The following SYCP1 variants were observed in gnomAD, a reference collection of about 807,000 sequenced individuals.
SYCP1 encodes cancer/testis antigen 8.
SYCP1 carries 64 observed loss-of-function variants against 153.1 expected under a neutral mutation model. The observed-to-expected ratio is 0.42, with a 90% CI of 0.34 to 0.51. The LOEUF (loss-of-function observed/expected upper bound fraction) is 0.51. Among genes scored for constraint, SYCP1 ranks in the 20% least tolerant of loss-of-function variants. SYCP1 has a pLI of 0.06. For missense variants in SYCP1, 997 were observed against 1,049.0 expected (o/e 0.95, Z 0.68); for synonymous variants, 384 against 341.8 (o/e 1.12, Z -1.36).
At chr1:114,961,582 T>C (rs925965108) in intron 27 of SYCP1, among the ~76,000 whole-genome samples, 1 of 152,246 alleles carries the variant, frequency 6.6e-6, no homozygotes, top group African/African-American at 2.4e-5. Flanking sequence ...ATTTCCATCT[T>C]GATTTCACTG....
In SYCP1 at chr1:114,873,295, T is replaced by C. The variant is rs578198068; in HGVS notation, c.599-1211T>C. On this transcript the variant is annotated intron_variant, in intron 8 of 31. Transcript: ENST00000369522. ...CTGGTAAAGTATAGGGGGAGGAGTA[T>C]TCTATAGACCTATGGTTAGGTCTCA... Among the ~76,000 whole-genome samples, 303 of 152,302 alleles carry C rather than the reference T, an allele frequency of 2.0e-3. 1 individual carries two copies. Among genetic ancestry groups the C allele is most frequent in the Non-Finnish European group, 3.0e-3 (203 of 68,018 alleles).
intron 27 of SYCP1, among the ~76,000 whole-genome samples, chr1:114,962,462 G>A (rs1671842872): frequency 6.6e-6 from 1 of 152,106 alleles, no homozygotes; most frequent in Admixed American, 6.6e-5. Context: ...TGTTTTGTCT[G>A]ATGTAAGAAT....
intron 16 of SYCP1, among the ~76,000 whole-genome samples, chr1:114,909,401 TA>T (rs1276476957): frequency 6.6e-6 from 1 of 151,802 alleles, no homozygotes; most frequent in Non-Finnish European, 1.5e-5. Context: ...ATTTTTTTTT[TA>T]CTTGTTAAAA....
In SYCP1 at chr1:114,946,339, T is replaced by C; in HGVS notation, c.2205T>C (p.Tyr735=). The C allele has an allele frequency of 1.9e-6, 3 of 1,587,800 alleles. No individual in the cohort carries two copies. Among genetic ancestry groups the C allele is most frequent in the Non-Finnish European group, 2.6e-6 (3 of 1,170,514 alleles). Residue 735 remains tyrosine, a synonymous_variant, in exon 26 of 32, where the codon TAT becomes TAC. Transcript: ENST00000369522. ...AAAGAGACTCAGAATTAGGACTTTA[T>C]AAGAGCAAAGAACAAGAACAGTCAT... ...IEERDSELGL[Y]KSKEQEQSSL...
At chr1:114,976,339 T>A (rs1248764568) in intron 27 of SYCP1, among the ~76,000 whole-genome samples, 1 of 151,840 alleles carries the variant, frequency 6.6e-6, no homozygotes, top group Non-Finnish European at 1.5e-5. Flanking sequence ...TATAGGAATA[T>A]CTTACTTATT....
At chr1:114,863,291 C>T (rs959391102) in intron 8 of SYCP1, among the ~76,000 whole-genome samples, 2 of 152,042 alleles carry the variant, frequency 1.3e-5, no homozygotes, top group Admixed American at 6.5e-5. Flanking sequence ...ACAGGGCTCA[C>T]GCCTGTAGTC....
intron 23 of SYCP1, among the ~76,000 whole-genome samples, chr1:114,928,621 G>T (rs887840161): frequency 1.3e-5 from 2 of 152,104 alleles, no homozygotes; most frequent in Admixed American, 6.6e-5. Context: ...TTTTAAAACG[G>T]TATATATGGC....
At chr1:114,923,400 A>G (rs1466333722) in intron 20 of SYCP1, 49 bp from the exon 21 acceptor site, 36 of 1,458,448 alleles carry the variant, frequency 2.5e-5, no homozygotes, top group Non-Finnish European at 3.1e-5. Context: ...GAGATCTTCT[A>G]TAGGCCTAAT....
chr1:114,960,500 G>A (rs564457282), intron 27 of SYCP1, among the ~76,000 whole-genome samples: 1 of 152,190 alleles, frequency 6.6e-6, no homozygotes, highest in East Asian at 1.9e-4. Flanking sequence ...CTCCACAGTG[G>A]TTGTACTAAT....
chr1:114,923,341 A>G, intron 20 of SYCP1, 108 bp from the exon 21 acceptor site: 19 of 1,267,620 alleles, frequency 1.5e-5, no homozygotes, highest in Non-Finnish European at 2.0e-5. Flanking sequence ...GGTTTTTTAC[A>G]TTTGGTTAAA....
At chr1:114,984,701 G>A in intron 29 of SYCP1, 24 bp from the exon 30 acceptor site, 3 of 1,335,208 alleles carry the variant, frequency 2.2e-6, no homozygotes, top group Non-Finnish European at 2.9e-6. Flanking sequence ...ATATGATAAT[G>A]TATGGTTTTT....
Position 114,878,132 on chromosome 1 carries a change from T to C in SYCP1, c.840T>C (p.Asn280=), listed in dbSNP as rs948593639. The C allele has an allele frequency of 6.3e-7, 1 of 1,585,522 alleles. No individual in the cohort carries two copies. The highest frequency in any genetic ancestry group is 1.4e-5 in the African/African-American group (1 of 73,910). Reference sequence around the variant, plus strand: ...TGATCCAAATCACTGAGAAAGAAAATAAAATGAAAGATTTAACATTTCTGC... The same window carrying C: ...TGATCCAAATCACTGAGAAAGAAAACAAAATGAAAGATTTAACATTTCTGC... ...LLLIQITEKE[N]KMKDLTFLLE... is the part of the protein sequence containing the mutation. Residue 280 remains asparagine (N), a synonymous_variant, in exon 12 of 32, where the codon AAT becomes AAC. Transcript: ENST00000369522.
At chr1:114,977,990 G>A (rs981233307) in intron 28 of SYCP1, among the ~76,000 whole-genome samples, 1 of 151,398 alleles carries the variant, frequency 6.6e-6, no homozygotes, top group African/African-American at 2.4e-5. Context: ...AGTTTATTTA[G>A]ATTATGTCTA....
chr1:114,969,557 C>T (rs1422445200), intron 27 of SYCP1, among the ~76,000 whole-genome samples: 1 of 152,192 alleles, frequency 6.6e-6, no homozygotes, highest in Admixed American at 6.5e-5. Context: ...GAATTTGAAG[C>T]CAGTGGATCT....
intron 7 of SYCP1, 63 bp from the exon 8 acceptor site, chr1:114,860,670 ACTT>A: frequency 1.0e-6 from 1 of 986,438 alleles, no homozygotes; most frequent in Non-Finnish European, 1.5e-6. Context: ...ATATTTCATA[ACTT>A]ATATATTGTG....
intron 14 of SYCP1, among the ~76,000 whole-genome samples, chr1:114,886,807 T>C (rs968642552): frequency 2.0e-5 from 3 of 152,106 alleles, no homozygotes; most frequent in Non-Finnish European, 4.4e-5. Context: ...ACTTATTAAA[T>C]AAATGGTTTC....
chr1:114,935,479 AC>A (rs1404562265), intron 23 of SYCP1, among the ~76,000 whole-genome samples: 2 of 152,244 alleles, frequency 1.3e-5, no homozygotes, highest in African/African-American at 4.8e-5. Context: ...TGACACCCTA[AC>A]ATCACAATTA....
chr1:114,973,668 C>G (rs1434780311), intron 27 of SYCP1, among the ~76,000 whole-genome samples: 2 of 151,710 alleles, frequency 1.3e-5, no homozygotes, highest in African/African-American at 4.8e-5. Flanking sequence ...TGTATTTTTG[C>G]CAGTTTTTAA....
intron 30 of SYCP1, among the ~76,000 whole-genome samples, chr1:114,986,903 G>C (rs571822908): frequency 6.6e-6 from 1 of 152,070 alleles, no homozygotes; most frequent in East Asian, 1.9e-4. Flanking sequence ...TATGATAGCA[G>C]CTACCAGTCT....
Sources: gnomAD v4.1 joint callset for allele counts (sites outside exome capture counted in the v4.1 genomes callset) on GRCh38, gnomAD v4.1.1 for gene constraint, MANE v1.5 for transcripts, NCBI Gene and HGNC (gene_info 2026-07-23, HGNC 2026-07-21) for gene names.